JPH2: variants seen among roughly 807,000 people sequenced by gnomAD.
JPH2 encodes junctophilin-2.
JPH2 carries 38 observed loss-of-function variants against 55.9 expected under a neutral mutation model. The observed-to-expected ratio is 0.68, with a 90% CI of 0.52 to 0.89. The LOEUF is 0.89. Among genes scored for constraint, JPH2 ranks in the 40% least tolerant of loss-of-function variants. JPH2 has a pLI of 0.00. For synonymous variants in JPH2, 480 were observed against 472.4 expected, an observed-to-expected ratio of 1.02 and a Z score of -0.21; for missense variants, 964 against 1,037.6, an observed-to-expected ratio of 0.93 and a Z score of 0.97.
At chr20:44,149,191 C>G (rs528488368) in intron 2 of JPH2, among the ~76,000 whole-genome samples, 1 of 152,256 alleles carries the variant, frequency 6.6e-6, no homozygotes, top group East Asian at 1.9e-4. Context: ...CCACCAGGCC[C>G]TCCCTTCCCA....
chr20:44,176,749 G>T, intron 1 of JPH2: 1 of 498,338 alleles, frequency 2.0e-6, no homozygotes, highest in Non-Finnish European at 2.6e-6. Flanking sequence ...AGCCGTGATT[G>T]TACCATTGCA....
At chr20:44,172,515 CAG>C (rs1418985945) in intron 1 of JPH2, among the ~76,000 whole-genome samples, 1 of 152,126 alleles carries the variant, frequency 6.6e-6, no homozygotes, top group African/African-American at 2.4e-5. Flanking sequence ...CGTTTCGAGA[CAG>C]AGTCTCACTC....
At position 44,109,862 on chromosome 20, in the gene JPH2, TCTGACTCCCA is replaced by T. The variant is rs2145833397; in HGVS notation, c.*3646_*3655del. Among the ~76,000 whole-genome samples, 1 of 152,218 alleles carries T rather than the reference TCTGACTCCCA, an allele frequency of 6.6e-6. No individual in the cohort carries two copies. The highest frequency in any genetic ancestry group is 2.1e-4 in the South Asian group (1 of 4,814). On this transcript the variant is annotated 3_prime_UTR_variant, in exon 6 of 6. Coordinates refer to ENST00000372980, the MANE Select transcript of JPH2 (RefSeq NM_020433.5). ...CTTCCCTTCTTGCCCGAATCCCAAA[TCTGACTCCCA>T]CGGTTCCTAGGTCCCCTCCCTTTCA...
chr20:44,119,811 T>C (rs2145841499), intron 2 of JPH2, among the ~76,000 whole-genome samples: 1 of 149,718 alleles, frequency 6.7e-6, no homozygotes, highest in South Asian at 2.1e-4. Flanking sequence ...GAGGCGGAGC[T>C]TGCAGTGAGC....
chr20:44,185,020 C>T (rs2072820492), intron 1 of JPH2, among the ~76,000 whole-genome samples: 1 of 152,198 alleles, frequency 6.6e-6, no homozygotes, highest in Admixed American at 6.5e-5. Context: ...AAGTGATCCT[C>T]CCACCACAGC....
At position 44,153,340 on chromosome 20, in the gene JPH2, A is replaced by G. The variant is rs181800109; in HGVS notation, c.1169+6278T>C. 3.4e-3 allele frequency among the ~76,000 whole-genome samples: 515 copies of G among 152,344 alleles called. 2 individuals are homozygous for G. The highest frequency in any genetic ancestry group is 0.012 in the African/African-American group (484 of 41,584). ...TTTGATTAAACAGGAAAGTGAGCCC[A>G]GAGGGGTGAGGTAACTTGCCTAAGG... On this transcript the variant is annotated intron_variant, in intron 2 of 5. Transcript: ENST00000372980.
At chr20:44,141,661 A>G (rs1182019539) in intron 2 of JPH2, among the ~76,000 whole-genome samples, 3 of 151,814 alleles carry the variant, frequency 2.0e-5, no homozygotes, top group African/African-American at 7.3e-5. Flanking sequence ...ACGCCTAGCT[A>G]ATATTTTTAT....
Position 44,162,813 on chromosome 20 carries a change from C to CACACACACACAT in JPH2, c.380-2418_380-2407dup, listed in dbSNP as rs1555859092. Among the ~76,000 whole-genome samples, 602 of 113,402 alleles carry CACACACACACAT rather than the reference C, an allele frequency of 5.3e-3. 13 individuals are homozygous for CACACACACACAT. Among genetic ancestry groups the CACACACACACAT allele is most frequent in the Admixed American group, 9.8e-3 (95 of 9,742 alleles). 74.4% of individuals were successfully genotyped at this position (113,402 alleles called of 152,430 possible). On this transcript the variant is annotated intron_variant, in intron 1 of 5. Transcript: ENST00000372980. Reference sequence around the variant, plus strand: ...ACACACACACACACACACACACACACACACACACACATCCTATTAGATCTG... The same window carrying CACACACACACAT: ...ACACACACACACACACACACACACACACACACACACATACACACACACATCCTATTAGATCTG...
intron 1 of JPH2, among the ~76,000 whole-genome samples, chr20:44,173,665 T>C (rs1342938607): frequency 6.6e-6 from 1 of 152,148 alleles, no homozygotes; most frequent in Non-Finnish European, 1.5e-5. Context: ...CCTGTAATCC[T>C]AGCACTTTGG....
intron 2 of JPH2, among the ~76,000 whole-genome samples, chr20:44,130,808 A>T (rs2072312479): frequency 6.6e-6 from 1 of 152,210 alleles, no homozygotes; most frequent in African/African-American, 2.4e-5. Flanking sequence ...GTCCAGGTGC[A>T]CACCTATTAT....
At chr20:44,139,189 A>G (rs1234046694) in intron 2 of JPH2, among the ~76,000 whole-genome samples, 1 of 152,202 alleles carries the variant, frequency 6.6e-6, no homozygotes, top group Non-Finnish European at 1.5e-5. Flanking sequence ...GTGCTCCAGG[A>G]AATGGAGAAC....
chr20:44,139,119 A>G (rs1023631060), intron 2 of JPH2, among the ~76,000 whole-genome samples: 1 of 152,228 alleles, frequency 6.6e-6, no homozygotes, highest in African/African-American at 2.4e-5. Flanking sequence ...GGAAAGGCCA[A>G]GCAAGGAAGT....
intron 1 of JPH2, among the ~76,000 whole-genome samples, chr20:44,180,213 C>A (rs776984044): frequency 6.6e-6 from 1 of 152,044 alleles, no homozygotes; most frequent in Non-Finnish European, 1.5e-5. Context: ...AGCGGAATTC[C>A]GTCTCAAAAA....
At position 44,186,980 on chromosome 20, in the gene JPH2, G is replaced by A. The variant is rs900991737; in HGVS notation, c.-275C>T. On this transcript the variant is annotated 5_prime_UTR_variant, in exon 1 of 6. Transcript: ENST00000372980. The stretch of plus-strand genomic sequence containing the variant: ...AGAAAGCAGGAAGGAAAGGTTCAAA[G>A]TCCCCACAAAGCGTCCCAAGTCTGC... The A allele has an allele frequency of 4.3e-5, 24 of 555,320 alleles. No individual in the cohort carries two copies. Among genetic ancestry groups the A allele is most frequent in the Non-Finnish European group, 6.4e-5 (20 of 310,604 alleles). The allele number at this position is 555,320 out of a possible 1,614,324, so 34.4% of individuals were successfully genotyped here. A position where few individuals can be genotyped will look rare whatever the true frequency, so the allele number is the denominator to read the frequency against.
chr20:44,126,041 G>A (rs182605540), intron 2 of JPH2, among the ~76,000 whole-genome samples: 8 of 151,436 alleles, frequency 5.3e-5, no homozygotes, highest in East Asian at 2.0e-4. Flanking sequence ...TGGGAGGATT[G>A]CTTGAGCCCA....
chr20:44,136,425 C>T (rs1010389232), intron 2 of JPH2, among the ~76,000 whole-genome samples: 16 of 146,630 alleles, frequency 1.1e-4, no homozygotes, highest in Admixed American at 3.4e-4. Context: ...ATGCTGAATC[C>T]CCTGGGACTC....
Position 44,160,186 on chromosome 20 carries a change from C to T in JPH2, c.601G>A (p.Ala201Thr), listed in dbSNP as rs953581894. The T allele has an allele frequency of 2.1e-6, 3 of 1,399,432 alleles. No individual in the cohort carries two copies. Among genetic ancestry groups the T allele is most frequent in the Middle Eastern group, 2.5e-4 (1 of 3,974 alleles). 86.7% of individuals were successfully genotyped at this position (1,399,432 alleles called of 1,614,324 possible). A position where few individuals can be genotyped will look rare whatever the true frequency, so the allele number is the denominator to read the frequency against. Residue 201 changes from alanine to threonine, a missense_variant, in exon 2 of 6, where the codon GCG becomes ACG. Ala to Thr is a moderately conservative substitution (Grantham distance 58). Transcript: ENST00000372980. The surrounding 1 kb of genome is among the most constrained non-coding windows in gnomAD (Gnocchi z 4.9). Reference sequence around the variant, plus strand: ...TCGGCATTGGCCAGGAGGCTGAGCGCGAAGCCGCCACGCGGGATGGCGGGC... The same window carrying T: ...TCGGCATTGGCCAGGAGGCTGAGCGTGAAGCCGCCACGCGGGATGGCGGGC... The part of the protein sequence containing the change: ...PSPAIPRGGF[A>T]LSLLANAEAA...
intron 2 of JPH2, among the ~76,000 whole-genome samples, chr20:44,142,870 G>A (rs2072467691): frequency 6.6e-6 from 1 of 152,148 alleles, no homozygotes; most frequent in South Asian, 2.1e-4. Flanking sequence ...TCCCATTACA[G>A]TGTGTTTAAG....
intron 1 of JPH2, among the ~76,000 whole-genome samples, chr20:44,162,624 G>C (rs1289748338): frequency 2.6e-5 from 4 of 151,240 alleles, no homozygotes; most frequent in African/African-American, 9.7e-5. Context: ...TCCTGCCCTC[G>C]AACATCAGAC....
Sources: gnomAD v4.1 joint callset for allele counts (sites outside exome capture counted in the v4.1 genomes callset) on GRCh38, gnomAD v4.1.1 for gene constraint, Gnocchi (gnomAD v3.1) non-coding constraint, MANE v1.5 for transcripts, NCBI Gene and HGNC (gene_info 2026-07-23, HGNC 2026-07-21) for gene names.